Variants in AFAP1 observed in about 807,000 individuals in gnomAD.
The protein encoded by AFAP1 is actin filament-associated protein 1.
Under a neutral mutation model 93.9 loss-of-function variants are expected in AFAP1, and 75 were observed. The observed-to-expected ratio is 0.80, with a 90% CI of 0.66 to 0.97. AFAP1 has a LOEUF of 0.97. Ranked by LOEUF, AFAP1 falls within the 50% of genes least tolerant of loss-of-function variation. The pLI, the probability that AFAP1 is intolerant of heterozygous loss-of-function variation, is 0.00. For missense variants in AFAP1, 1,201 were observed against 1,050.8 expected (o/e 1.14, Z -1.98); for synonymous variants, 517 against 430.7 (o/e 1.20, Z -2.48).
chr4:7,859,012 C>G (rs1159612786), intron 3 of AFAP1, among the ~76,000 whole-genome samples: 1 of 152,224 alleles, frequency 6.6e-6, no homozygotes, highest in East Asian at 1.9e-4. Flanking sequence ...TGTGGAATCA[C>G]TCAACTCTCC....
At chr4:7,834,092 T>TACACACACACACAC (rs142790415) in intron 6 of AFAP1, among the ~76,000 whole-genome samples, 3,917 of 126,578 alleles carry the variant, frequency 0.031, 106 homozygotes, top group African/African-American at 0.052. Context: ...AACTGTGGCA[T>TACACACACACACAC]ACACACACAC....
intron 6 of AFAP1, among the ~76,000 whole-genome samples, chr4:7,822,611 G>C (rs574202353): frequency 2.8e-5 from 4 of 141,748 alleles, no homozygotes; most frequent in South Asian, 4.4e-4. Flanking sequence ...TTGAGACAGA[G>C]TCTCGCTCTG....
At chr4:7,833,194 G>C (rs187992943) in intron 6 of AFAP1, among the ~76,000 whole-genome samples, 2 of 152,182 alleles carry the variant, frequency 1.3e-5, no homozygotes, top group African/African-American at 2.4e-5. Flanking sequence ...GGCAAAACCA[G>C]TCAGCAGAGT....
At chr4:7,832,332 G>GAA (rs113115468) in intron 6 of AFAP1, among the ~76,000 whole-genome samples, 11 of 145,470 alleles carry the variant, frequency 7.6e-5, no homozygotes, top group Admixed American at 2.8e-4. Flanking sequence ...CCAATAACAT[G>GAA]AAAAAAAAAA....
intron 1 of AFAP1, among the ~76,000 whole-genome samples, chr4:7,919,003 G>A (rs1396324528): frequency 2.2e-5 from 3 of 138,998 alleles, no homozygotes; most frequent in Non-Finnish European, 4.6e-5. Context: ...AGGAAACAGG[G>A]CTGCGGATGA....
chr4:7,841,729 C>T (rs1400233317), intron 5 of AFAP1, among the ~76,000 whole-genome samples: 1 of 152,196 alleles, frequency 6.6e-6, no homozygotes, highest in African/African-American at 2.4e-5. Context: ...TTTGATTCTG[C>T]ATTTGACCAA....
At chr4:7,800,416 A>G in intron 10 of AFAP1, 26 bp downstream of exon 10, 1 of 1,611,256 alleles carries the variant, frequency 6.2e-7, no homozygotes. Flanking sequence ...CCCTCTGTGG[A>G]GTACAGCCCC....
chr4:7,829,634 A>G (rs1233179284), intron 6 of AFAP1, among the ~76,000 whole-genome samples: 5 of 152,244 alleles, frequency 3.3e-5, no homozygotes, highest in African/African-American at 7.2e-5. Context: ...GTCATTCACA[A>G]TAAGAGGAGT....
chr4:7,773,683 A>G (rs573098310), intron 15 of AFAP1: 1 of 152,536 alleles, frequency 6.6e-6, no homozygotes, highest in South Asian at 2.1e-4. Flanking sequence ...GAGAAATGCT[A>G]CTTCTGTCTC....
rs956523250 is a variant in AFAP1, at chr4:7,939,829, T to G, written c.-176A>C. 3.5e-6 allele frequency: 1 copy of G among 288,644 alleles called. No individual in the cohort carries two copies. The highest frequency in any genetic ancestry group is 5.8e-5 in the Admixed American group (1 of 17,280). The allele number at this position is 288,644 out of a possible 1,614,324, so 17.9% of individuals were successfully genotyped here. A position where few individuals can be genotyped will look rare whatever the true frequency, so the allele number is the denominator to read the frequency against. On this transcript the variant is annotated 5_prime_UTR_variant, in exon 1 of 18. Coordinates refer to ENST00000420658, the MANE Select transcript of AFAP1 (RefSeq NM_001134647.2). The surrounding 1 kb of genome is among the most constrained non-coding windows in gnomAD (Gnocchi z 5.6). ...CGAGATCCGGCTCGGCTCGCGGAGCTGCAGCCGGCGTGGGGCTGCGGCCGG... is the reference window on the plus strand; with the variant it reads ...CGAGATCCGGCTCGGCTCGCGGAGCGGCAGCCGGCGTGGGGCTGCGGCCGG...
intron 4 of AFAP1, among the ~76,000 whole-genome samples, chr4:7,854,790 G>C (rs1203623015): frequency 6.6e-6 from 1 of 152,104 alleles, no homozygotes. Context: ...CTTATGAGAT[G>C]GTAGCCCCCC....
In AFAP1 at chr4:7,763,655, T is replaced by G; in HGVS notation, c.*110A>C. ...CCTCAGAGCTCAGTCGTGGAGCCTCTGGAGTCGTGCAGCTGAGGCCACTCT... is the reference window on the plus strand; with the variant it reads ...CCTCAGAGCTCAGTCGTGGAGCCTCGGGAGTCGTGCAGCTGAGGCCACTCT... On this transcript the variant is annotated 3_prime_UTR_variant, in exon 18 of 18. Coordinates refer to ENST00000420658, the MANE Select transcript of AFAP1 (RefSeq NM_001134647.2). 1 of 1,333,106 alleles carries G rather than the reference T, an allele frequency of 7.5e-7. No individual in the cohort carries two copies. The highest frequency in any genetic ancestry group is 1.1e-6 in the Non-Finnish European group (1 of 951,874). The allele number at this position is 1,333,106 out of a possible 1,614,324, so 82.6% of individuals were successfully genotyped here.
chr4:7,786,974 C>G (rs771095848), intron 11 of AFAP1, among the ~76,000 whole-genome samples: 7 of 152,230 alleles, frequency 4.6e-5, no homozygotes, highest in Admixed American at 1.3e-4. Context: ...CCTGAAATTT[C>G]CTCAACTTCT....
intron 1 of AFAP1, among the ~76,000 whole-genome samples, chr4:7,881,894 A>G (rs1006802131): frequency 1.3e-5 from 2 of 152,164 alleles, no homozygotes; most frequent in African/African-American, 4.8e-5. Context: ...AGCCCCCCCA[A>G]ATTATCTCAT....
At chr4:7,927,340 C>T (rs555091077) in intron 1 of AFAP1, among the ~76,000 whole-genome samples, 1 of 152,248 alleles carries the variant, frequency 6.6e-6, no homozygotes, top group South Asian at 2.1e-4. Context: ...TCCAACAGCA[C>T]TGGCTGTGTG....
chr4:7,868,825 T>C lies in AFAP1; in HGVS notation c.128-106A>G, dbSNP rs763654392. ...CCCTGTGTTGAACACTTTGCAAATA[T>C]TTATTTTCTCTAATCCTTTACAACA... On this transcript the variant is annotated intron_variant, in intron 2 of 17. Transcript: ENST00000420658. The C allele has an allele frequency of 8.3e-6, 8 of 966,782 alleles. No individual in the cohort carries two copies. The Admixed American group carries it at 1.1e-4, about 14-fold the overall frequency. 59.9% of individuals were successfully genotyped at this position (966,782 alleles called of 1,614,324 possible).
chr4:7,844,773 T>C (rs898129951), intron 4 of AFAP1, among the ~76,000 whole-genome samples: 1 of 152,226 alleles, frequency 6.6e-6, no homozygotes, highest in African/African-American at 2.4e-5. Context: ...TTCCTCTCAT[T>C]ACTTTCAGCT....
At chr4:7,891,331 T>C (rs1718458725) in intron 1 of AFAP1, among the ~76,000 whole-genome samples, 1 of 152,172 alleles carries the variant, frequency 6.6e-6, no homozygotes, top group African/African-American at 2.4e-5. Flanking sequence ...GTTCTCCGTC[T>C]TCACGGACTA....
At chr4:7,821,272 C>T (rs150501268) in intron 6 of AFAP1, among the ~76,000 whole-genome samples, 5 of 152,154 alleles carry the variant, frequency 3.3e-5, no homozygotes, top group Non-Finnish European at 5.9e-5. Flanking sequence ...CAGTGAGATC[C>T]GCTATGGAAG....
Sources: allele counts gnomAD v4.1 joint callset (sites outside exome capture counted in the v4.1 genomes callset), GRCh38; gene constraint gnomAD v4.1.1; non-coding constraint Gnocchi (gnomAD v3.1); transcripts MANE v1.5; gene names NCBI Gene and HGNC (gene_info 2026-07-23, HGNC 2026-07-21).